LINGO2: variants seen among roughly 807,000 people sequenced by gnomAD.
The protein encoded by LINGO2 is leucine-rich repeat and immunoglobulin-like domain-containing nogo receptor-interacting protein 2.
LINGO2 carries 14 observed loss-of-function variants against 30.6 expected under a neutral mutation model. The ratio of observed to expected loss-of-function variants is 0.46; its 90% confidence interval spans 0.30 to 0.72. The LOEUF is 0.72. Ranked by LOEUF, LINGO2 falls within the 30% of genes least tolerant of loss-of-function variation. LINGO2 has a pLI of 0.07. For synonymous variants in LINGO2, 317 were observed against 288.5 expected (o/e 1.10, Z -1.00); for missense variants, 729 against 751.7 (o/e 0.97, Z 0.35).
the LINGO2 span, among the ~76,000 whole-genome samples, chr9:28,766,805 GGAAGGAGAGAGAGAGAGAGAGA>G: frequency 0.63 from 89,504 of 141,484 alleles, 27,414 homozygotes; most frequent in Non-Finnish European, 0.66. Context: ...AGAGAGAGAG[GGAAGGAGAGAGAGAGAGAGAGA>G]GAAGGAGAGA....
At chr9:28,296,446 TA>T (rs1312255051) in intron 3 of LINGO2, among the ~76,000 whole-genome samples, 1 of 152,198 alleles carries the variant, frequency 6.6e-6, no homozygotes, top group Non-Finnish European at 1.5e-5. Flanking sequence ...GACTTGTGAA[TA>T]ACTACGTTCT....
chr9:28,374,206 T>TATA (rs1554713022), intron 2 of LINGO2, among the ~76,000 whole-genome samples: 3,734 of 109,742 alleles, frequency 0.034, 79 homozygotes, highest in African/African-American at 0.064. Flanking sequence ...AAATATGTTT[T>TATA]TATTTATATA....
chr9:28,041,199 A>G (rs1824183142), intron 4 of LINGO2, among the ~76,000 whole-genome samples: 1 of 152,230 alleles, frequency 6.6e-6, no homozygotes. Context: ...ATTGCACCTC[A>G]TAAACTGTTT....
chr9:29,161,540 T>G, the LINGO2 span, among the ~76,000 whole-genome samples: 715 of 152,334 alleles, frequency 4.7e-3, 6 homozygotes, highest in African/African-American at 0.017. Flanking sequence ...TTAGTGATTC[T>G]CAAACATTGG....
intron 4 of LINGO2, among the ~76,000 whole-genome samples, chr9:28,196,540 C>A (rs1259431641): frequency 6.6e-6 from 1 of 151,610 alleles, no homozygotes; most frequent in Non-Finnish European, 1.5e-5. Flanking sequence ...AAAAGCTTGA[C>A]AAAAATATGA....
At chr9:27,957,058 A>C (rs890629223) in intron 5 of LINGO2, among the ~76,000 whole-genome samples, 1 of 152,194 alleles carries the variant, frequency 6.6e-6, no homozygotes, top group Non-Finnish European at 1.5e-5. Flanking sequence ...TTGACACTGC[A>C]CTCCAGTCTG....
the LINGO2 span, among the ~76,000 whole-genome samples, chr9:28,824,259 C>T: frequency 1.3e-5 from 2 of 152,090 alleles, no homozygotes; most frequent in African/African-American, 2.4e-5. Flanking sequence ...ATAAACAGAA[C>T]TTCAGGAGTG....
At chr9:28,218,017 G>A (rs533074643) in intron 4 of LINGO2, among the ~76,000 whole-genome samples, 2 of 151,416 alleles carry the variant, frequency 1.3e-5, no homozygotes, top group Admixed American at 1.3e-4. Context: ...TAAACATAAA[G>A]TCTAATTTGG....
At chr9:29,169,829 C>T in the LINGO2 span, among the ~76,000 whole-genome samples, 1 of 152,066 alleles carries the variant, frequency 6.6e-6, no homozygotes, top group South Asian at 2.1e-4. Context: ...TGAAACCCAT[C>T]TCTACTAAAA....
intron 4 of LINGO2, among the ~76,000 whole-genome samples, chr9:28,145,755 C>A (rs1401563207): frequency 6.6e-6 from 1 of 152,116 alleles, no homozygotes; most frequent in African/African-American, 2.4e-5. Flanking sequence ...ATTCTTTACA[C>A]AGTTTTTATA....
chr9:28,742,478 C>T, the LINGO2 span, among the ~76,000 whole-genome samples: 14 of 151,422 alleles, frequency 9.2e-5, 1 homozygote, highest in South Asian at 4.2e-4. Flanking sequence ...TCAGTGGTTG[C>T]GATTGGGCTT....
intron 4 of LINGO2, among the ~76,000 whole-genome samples, chr9:28,052,299 T>C (rs1373898161): frequency 6.6e-6 from 1 of 152,092 alleles, no homozygotes; most frequent in Admixed American, 6.6e-5. Context: ...CAATTTAAAG[T>C]GCTAACACAG....
chr9:29,209,094 T>A, the LINGO2 span, among the ~76,000 whole-genome samples: 1 of 152,146 alleles, frequency 6.6e-6, no homozygotes, highest in African/African-American at 2.4e-5. Context: ...TTGCTGAATA[T>A]GAACATTACA....
At chr9:28,180,828 T>C (rs939301106) in intron 4 of LINGO2, among the ~76,000 whole-genome samples, 1 of 151,726 alleles carries the variant, frequency 6.6e-6, no homozygotes, top group Non-Finnish European at 1.5e-5. Flanking sequence ...CATTCACACA[T>C]AGACACACAC....
intron 3 of LINGO2, among the ~76,000 whole-genome samples, chr9:28,355,540 A>G (rs1820165432): frequency 6.6e-6 from 1 of 152,114 alleles, no homozygotes; most frequent in Admixed American, 6.6e-5. Flanking sequence ...TTCTGAGGTA[A>G]CAACAAAAGC....
At chr9:28,210,438 AT>A (rs1820548909) in intron 4 of LINGO2, among the ~76,000 whole-genome samples, 2 of 151,762 alleles carry the variant, frequency 1.3e-5, no homozygotes, top group East Asian at 3.8e-4. Flanking sequence ...AATAAAAAAA[AT>A]AAAGAATGAC....
intron 3 of LINGO2, among the ~76,000 whole-genome samples, chr9:28,348,555 G>T (rs12555126): frequency 2.0e-5 from 3 of 152,088 alleles, no homozygotes; most frequent in Non-Finnish European, 4.4e-5. Flanking sequence ...ACTGCAAGGC[G>T]GCAGCGAGGC....
At chr9:29,005,513 AAATT>A in the LINGO2 span, among the ~76,000 whole-genome samples, 1 of 152,028 alleles carries the variant, frequency 6.6e-6, no homozygotes, top group African/African-American at 2.4e-5. Flanking sequence ...AGCATACTTT[AAATT>A]ATCTCTGGAT....
At chr9:28,291,894 C>A (rs1823743150) in intron 4 of LINGO2, among the ~76,000 whole-genome samples, 1 of 152,072 alleles carries the variant, frequency 6.6e-6, no homozygotes, top group Non-Finnish European at 1.5e-5. Flanking sequence ...TACCATTAGG[C>A]AAGTCATCAG....
Sources: gnomAD v4.1 joint callset for allele counts (sites outside exome capture counted in the v4.1 genomes callset) on GRCh38, gnomAD v4.1.1 for gene constraint, MANE v1.5 for transcripts, NCBI Gene and HGNC (gene_info 2026-07-23, HGNC 2026-07-21) for gene names.